Variants in DLG3 observed in about 807,000 individuals in gnomAD.
DLG3 encodes the protein discs large MAGUK scaffold protein 3, also known as disks large homolog 3.
DLG3 carries 1 observed loss-of-function variant against 64.1 expected under a neutral mutation model. That is an observed-to-expected ratio of 0.02 (90% CI 0.01 to 0.07). The LOEUF (loss-of-function observed/expected upper bound fraction) is 0.07. Among genes scored for constraint, DLG3 ranks in the 10% least tolerant of loss-of-function variants. The probability of loss-of-function intolerance (pLI) is 1.00; values close to 1 mark genes in which losing one functional copy is unlikely to be tolerated. For synonymous variants in DLG3, 245 were observed against 259.8 expected (o/e 0.94, Z 0.55); for missense variants, 429 against 669.5 (o/e 0.64, Z 3.96).
At chrX:70,488,194 CAG>C (rs901011653) in intron 10 of DLG3, among the ~76,000 whole-genome samples, 2 of 109,148 alleles carry the variant, frequency 1.8e-5, no homozygotes, top group African/African-American at 6.7e-5. Context: ...GTATTTGTAA[CAG>C]AGATGGGGTT....
chrX:70,492,826 G>A (rs1258079760), intron 12 of DLG3, among the ~76,000 whole-genome samples: 1 of 112,140 alleles, frequency 8.9e-6, no homozygotes, highest in Non-Finnish European at 1.9e-5. Context: ...TTGAAGATGT[G>A]TTAGAGTTGG....
At chrX:70,491,984 C>T (rs1381782483) in intron 10 of DLG3, 123 bp from the exon 11 acceptor site, 1 of 702,652 alleles carries the variant, frequency 1.4e-6, no homozygotes, top group Non-Finnish European at 2.2e-6. Flanking sequence ...TGGAGACATC[C>T]TTCTAGTATA....
At chrX:70,497,513 C>T (rs1193737695) in intron 13 of DLG3, among the ~76,000 whole-genome samples, 2 of 112,455 alleles carry the variant, frequency 1.8e-5, no homozygotes, top group Non-Finnish European at 3.8e-5. Flanking sequence ...GCCATGGGTA[C>T]TGTGGGCCAT....
chrX:70,459,545 G>A (rs777004017), intron 9 of DLG3, among the ~76,000 whole-genome samples: 1 of 112,271 alleles, frequency 8.9e-6, no homozygotes, highest in East Asian at 2.8e-4. Flanking sequence ...CTAAAAGAAG[G>A]CAAGGTAAGG....
intron 12 of DLG3, among the ~76,000 whole-genome samples, chrX:70,494,574 A>G (rs2087419442): frequency 8.9e-6 from 1 of 112,207 alleles, no homozygotes; most frequent in Non-Finnish European, 1.9e-5. Flanking sequence ...GAGAAGCCAT[A>G]GACGGGGTGG....
chrX:70,482,473 C>A (rs1163119463), intron 10 of DLG3, among the ~76,000 whole-genome samples: 1 of 110,791 alleles, frequency 9.0e-6, no homozygotes, highest in East Asian at 2.8e-4. Flanking sequence ...AACTGAGACT[C>A]CAGTTAGATA....
intron 12 of DLG3, chrX:70,493,406 C>T (rs756052245): frequency 1.4e-5 from 17 of 1,209,134 alleles, no homozygotes; most frequent in Non-Finnish European, 1.9e-5. Context: ...AAAGAGTTTC[C>T]GCCTCTCTCG....
intron 10 of DLG3, among the ~76,000 whole-genome samples, chrX:70,488,592 T>G (rs1361744485): frequency 8.9e-6 from 1 of 111,822 alleles, no homozygotes; most frequent in Non-Finnish European, 1.9e-5. Context: ...TTGAGGGAAT[T>G]GGGAATGATT....
intron 16 of DLG3, 127 bp downstream of exon 16, chrX:70,500,176 A>G (rs1429562816): frequency 1.7e-6 from 1 of 601,322 alleles, no homozygotes. Flanking sequence ...GCACATCTGC[A>G]TACTCCCAGC....
chrX:70,453,060 C>T, intron 7 of DLG3: 2 of 235,884 alleles, frequency 8.5e-6, no homozygotes, highest in Non-Finnish European at 1.5e-5. Flanking sequence ...CCCTAAGAAC[C>T]CAGGCGCTGC....
At chrX:70,449,528 C>G in intron 3 of DLG3, 45 bp downstream of exon 3, 3 of 1,150,612 alleles carry the variant, frequency 2.6e-6, no homozygotes, top group African/African-American at 1.9e-5. Flanking sequence ...GGGACAGGAT[C>G]GAGATGAGGG....
chrX:70,497,299 T>A, intron 13 of DLG3: 1 of 976,184 alleles, frequency 1.0e-6, no homozygotes, highest in Non-Finnish European at 1.5e-6. Context: ...GTTGCACAGC[T>A]GCCATTGCTG....
chrX:70,448,646 C>T, intron 1 of DLG3: 1 of 1,158,045 alleles, frequency 8.6e-7, no homozygotes, highest in Non-Finnish European at 1.2e-6. Context: ...GAGTGCACCA[C>T]TGGCTGGCTC....
intron 2 of DLG3, 132 bp from the exon 3 acceptor site, chrX:70,449,227 G>A (rs1958642820): frequency 1.0e-6 from 1 of 968,077 alleles, no homozygotes; most frequent in Admixed American, 2.4e-5. Flanking sequence ...TCTGACAAAT[G>A]TGCCCAGCCT....
At position 70,445,436 on chromosome X, in the gene DLG3, G is replaced by A; in HGVS notation, c.235G>A (p.Gly79Ser). The change falls in exon 1 of 19, where the codon GGC becomes AGC. Residue 79 changes from glycine (G) to serine (S), a missense_variant. Coordinates refer to ENST00000374360, the MANE Select transcript of DLG3 (RefSeq NM_021120.4). Reference protein sequence around the residue: ...PRTKAKLIPTGRDVGPVPPKP... With the variant: ...PRTKAKLIPTSRDVGPVPPKP... ...CACCAAGGCCAAGCTCATCCCCACC[G>A]GCCGGGATGTGGGGCCGGTGCCTCC... 11 of 1,200,753 alleles carry A rather than the reference G, an allele frequency of 9.2e-6. No homozygotes were observed. The highest frequency in any genetic ancestry group is 1.0e-5 in the Non-Finnish European group (9 of 890,514).
At chrX:70,491,740 G>A (rs753607304) in intron 10 of DLG3, among the ~76,000 whole-genome samples, 20 of 112,251 alleles carry the variant, frequency 1.8e-4, no homozygotes, top group Non-Finnish European at 3.6e-4. Flanking sequence ...ACTTTTTGAA[G>A]ATATGTTTGT....
Position 70,445,148 on chromosome X carries a change from G to C in DLG3, c.-54G>C. On this transcript the variant is annotated 5_prime_UTR_variant, in exon 1 of 19. Coordinates refer to ENST00000374360, the MANE Select transcript of DLG3 (RefSeq NM_021120.4). ...CGGCGGCGGTGGTGGCGGCGGTGGC[G>C]GCGGCGTGGAATCCGGCGTGGGCTG... 1.0e-6 allele frequency: 1 copy of C among 998,019 alleles called. No individual in the cohort carries two copies. The highest frequency in any genetic ancestry group is 1.3e-6 in the Non-Finnish European group (1 of 748,536). 82.2% of individuals were successfully genotyped at this position (998,019 alleles called of 1,213,427 possible).
chrX:70,492,695 A>G, intron 12 of DLG3, 99 bp downstream of exon 12: 2 of 793,111 alleles, frequency 2.5e-6, no homozygotes, highest in Non-Finnish European at 1.9e-6. Context: ...ACACAAAAGA[A>G]AATCTCTTTT....
chrX:70,482,812 C>T (rs955612749), intron 10 of DLG3, among the ~76,000 whole-genome samples: 36 of 107,361 alleles, frequency 3.4e-4, no homozygotes, highest in African/African-American at 1.2e-3. Context: ...GGACTACAGG[C>T]GCCTGCCACC....
Sources: allele counts gnomAD v4.1 joint callset (sites outside exome capture counted in the v4.1 genomes callset), GRCh38; gene constraint gnomAD v4.1.1; transcripts MANE v1.5; gene names NCBI Gene and HGNC (gene_info 2026-07-23, HGNC 2026-07-21).